Variants in CACNA2D2 observed in about 807,000 individuals in gnomAD.
The protein encoded by CACNA2D2 is voltage-dependent calcium channel subunit alpha-2/delta-2.
Under a neutral mutation model 166.4 loss-of-function variants are expected in CACNA2D2, and 48 were observed. That is an observed-to-expected ratio of 0.29 (90% confidence interval 0.23 to 0.37). The LOEUF is 0.37. Ranked by LOEUF, CACNA2D2 falls within the 10% of genes least tolerant of loss-of-function variation. The pLI is 1.00. For missense variants in CACNA2D2, 1,122 were observed against 1,433.0 expected (o/e 0.78, Z 3.50); for synonymous variants, 561 against 573.7 (o/e 0.98, Z 0.32).
intron 2 of CACNA2D2, among the ~76,000 whole-genome samples, chr3:50,452,964 G>C (rs1709173835): frequency 6.6e-6 from 1 of 152,152 alleles, no homozygotes; most frequent in African/African-American, 2.4e-5. Flanking sequence ...TAAAATCTAG[G>C]ATTTCCTCTT....
chr3:50,405,420 C>G (rs1410854710), intron 3 of CACNA2D2, among the ~76,000 whole-genome samples: 2 of 152,156 alleles, frequency 1.3e-5, no homozygotes, highest in African/African-American at 4.8e-5. Context: ...CCAGAGCAAG[C>G]AGCTTGGGCG....
intron 1 of CACNA2D2, among the ~76,000 whole-genome samples, chr3:50,501,024 A>G (rs1420359655): frequency 6.6e-6 from 1 of 151,884 alleles, no homozygotes; most frequent in African/African-American, 2.4e-5. Context: ...AGGGGTTGTC[A>G]CTCCAGTGCC....
chr3:50,500,291 G>A (rs898018342), intron 1 of CACNA2D2, among the ~76,000 whole-genome samples: 1 of 152,122 alleles, frequency 6.6e-6, no homozygotes, highest in African/African-American at 2.4e-5. Flanking sequence ...CAACACCATC[G>A]CTGGAGCAGA....
At chr3:50,430,552 C>T (rs770940436) in intron 3 of CACNA2D2, among the ~76,000 whole-genome samples, 5 of 152,194 alleles carry the variant, frequency 3.3e-5, no homozygotes, top group African/African-American at 7.2e-5. Flanking sequence ...GGGCAGAAAC[C>T]GGGCCTGTCC....
intron 3 of CACNA2D2, among the ~76,000 whole-genome samples, chr3:50,396,998 C>A (rs1706193018): frequency 6.6e-6 from 1 of 152,208 alleles, no homozygotes; most frequent in Admixed American, 6.5e-5. Context: ...CCTGCCTCTA[C>A]TCCTGGCTGG....
At chr3:50,475,966 C>G (rs1710290958) in intron 2 of CACNA2D2, 152 bp downstream of exon 2, 2 of 645,744 alleles carry the variant, frequency 3.1e-6, no homozygotes, top group African/African-American at 3.6e-5. Context: ...GCTGCCCATC[C>G]AGTCATGTCC....
chr3:50,471,055 C>T (rs910359020), intron 2 of CACNA2D2, among the ~76,000 whole-genome samples: 6 of 152,174 alleles, frequency 3.9e-5, no homozygotes, highest in East Asian at 1.9e-4. Context: ...ATTTCACACC[C>T]GCGCTTCCCC....
In CACNA2D2 at chr3:50,365,014, C is replaced by A. The variant is rs772118732; in HGVS notation, c.3209-44G>T. 3.1e-6 allele frequency: 5 copies of A among 1,604,762 alleles called. No homozygotes were observed. In the African/African-American group the frequency reaches 6.7e-5, roughly 22 times the overall value. ...TCAAGGAGGCGGACGGCGGCGGCGG[C>A]ACGGAGGGGGCGCGCGGGGCAGAGG... On this transcript the variant is annotated intron_variant, in intron 36 of 37. Transcript: ENST00000424201. The surrounding 1 kb of genome is among the most constrained non-coding windows in gnomAD (Gnocchi z 4.5).
intron 2 of CACNA2D2, among the ~76,000 whole-genome samples, chr3:50,440,025 C>A (rs1708516067): frequency 6.6e-6 from 1 of 152,222 alleles, no homozygotes; most frequent in Admixed American, 6.5e-5. Context: ...GATGGGGTAA[C>A]CAGGCACCTG....
At chr3:50,409,433 C>T (rs1411274140) in intron 3 of CACNA2D2, among the ~76,000 whole-genome samples, 1 of 152,224 alleles carries the variant, frequency 6.6e-6, no homozygotes, top group Non-Finnish European at 1.5e-5. Context: ...ACAAAAAGTG[C>T]TCCTGAAATA....
At chr3:50,374,678 C>T (rs1055912129) in intron 22 of CACNA2D2, 59 bp downstream of exon 22, 18 of 1,542,796 alleles carry the variant, frequency 1.2e-5, no homozygotes, top group African/African-American at 2.7e-5. Flanking sequence ...TGCCTGGGGC[C>T]GGCCAGGGTG....
Position 50,367,624 on chromosome 3 carries a change from G to A in CACNA2D2, c.2297+18C>T. 1.2e-6 allele frequency: 2 copies of A among 1,610,932 alleles called. No homozygotes were observed. The highest frequency in any genetic ancestry group is 8.5e-7 in the Non-Finnish European group (1 of 1,177,656). On this transcript the variant is annotated intron_variant, in intron 26 of 37. Transcript: ENST00000424201. The surrounding 1 kb of genome is among the most constrained non-coding windows in gnomAD (Gnocchi z 6.5). ...CCCTGGCAGGGGCAGGGTTTGGGTA[G>A]TGGGATAGGTCACTTACTTGTTGGG...
At chr3:50,492,917 G>A (rs954133902) in intron 1 of CACNA2D2, among the ~76,000 whole-genome samples, 5 of 152,148 alleles carry the variant, frequency 3.3e-5, no homozygotes, top group Admixed American at 6.5e-5. Context: ...CCTGCCACTT[G>A]CCATCTGTGT....
In CACNA2D2 at chr3:50,363,383, G is replaced by C. The variant is rs1044147307; in HGVS notation, c.*1283C>G. ...CCATCACTATATCCCCTTGCCCTCA[G>C]TTCCCCACTGGCCCCCAGGCTGGGA... On this transcript the variant is annotated 3_prime_UTR_variant, in exon 38 of 38. Transcript: ENST00000424201. 9 of 397,688 alleles carry C rather than the reference G, an allele frequency of 2.3e-5. No homozygotes were observed. The highest frequency in any genetic ancestry group is 1.0e-4 in the African/African-American group (5 of 48,608). The allele number at this position is 397,688 out of a possible 1,614,324, so 24.6% of individuals were successfully genotyped here.
At position 50,379,928 on chromosome 3, in the gene CACNA2D2, G is replaced by C. The variant is rs752108747; in HGVS notation, c.893+40C>G. ...GGCAGCAGAGTCTAGCCCATTGCCC[G>C]TCCCTGCCCCAGCCCCACTTGCCAG... On this transcript the variant is annotated intron_variant, in intron 9 of 37. Transcript: ENST00000424201. This position sits in a 1 kb window ranked among gnomAD's most constrained non-coding sequence, Gnocchi z 6.5. 1 of 1,613,616 alleles carries C rather than the reference G, an allele frequency of 6.2e-7. No homozygotes were observed. Among genetic ancestry groups the C allele is most frequent in the African/African-American group, 1.3e-5 (1 of 75,002 alleles).
At chr3:50,452,391 G>A (rs543463493) in intron 2 of CACNA2D2, among the ~76,000 whole-genome samples, 3 of 152,224 alleles carry the variant, frequency 2.0e-5, no homozygotes, top group African/African-American at 7.2e-5. Flanking sequence ...GCTGGTGCCA[G>A]AAGTGGTCCC....
intron 5 of CACNA2D2, among the ~76,000 whole-genome samples, chr3:50,384,682 G>A (rs1249104138): frequency 6.6e-6 from 1 of 152,184 alleles, no homozygotes; most frequent in Non-Finnish European, 1.5e-5. Context: ...CCAATCAGAA[G>A]GAGCAGGCTC....
chr3:50,489,461 G>A (rs1698430082), intron 1 of CACNA2D2, among the ~76,000 whole-genome samples: 1 of 152,232 alleles, frequency 6.6e-6, no homozygotes, highest in Non-Finnish European at 1.5e-5. Flanking sequence ...CTGTGCCAGG[G>A]AAGATGGGGC....
In CACNA2D2 at chr3:50,384,335, G is replaced by A. The variant is rs202245003; in HGVS notation, c.513C>T (p.Asp171=). The part of the protein sequence containing the change: ...YYDAKADAEL[D]DPESEDVERG... ...TTTCCACATCCTCACTCTCAGGGTCGTCCTGCAGAAAGGGCACCCCCGAGC... is the reference window on the plus strand; with the variant it reads ...TTTCCACATCCTCACTCTCAGGGTCATCCTGCAGAAAGGGCACCCCCGAGC... The change falls in exon 6 of 38, where the codon GAC becomes GAT. Residue 171 remains aspartate (D), a splice_region_variant and synonymous_variant. Coordinates refer to ENST00000424201, the MANE Select transcript of CACNA2D2 (RefSeq NM_006030.4). The A allele has an allele frequency of 6.5e-5, 105 of 1,613,504 alleles. No homozygotes were observed. The highest frequency in any genetic ancestry group is 3.3e-4 in the Middle Eastern group (2 of 6,082).
Sources: allele counts gnomAD v4.1 joint callset (sites outside exome capture counted in the v4.1 genomes callset), GRCh38; gene constraint gnomAD v4.1.1; non-coding constraint Gnocchi (gnomAD v3.1); transcripts MANE v1.5; gene names NCBI Gene and HGNC (gene_info 2026-07-23, HGNC 2026-07-21).